LRBA: variants seen among roughly 807,000 people sequenced by gnomAD.
LRBA encodes lipopolysaccharide-responsive and beige-like anchor protein.
In LRBA, 176 loss-of-function variants were observed where a neutral mutation model predicts 330.0. The ratio of observed to expected loss-of-function variants is 0.53; its 90% CI spans 0.47 to 0.60. The LOEUF is 0.60. LRBA is among the 20% of genes least tolerant of loss of function. LRBA has a pLI of 0.00. For missense variants in LRBA, 3,259 were observed against 3,444.8 expected, an observed-to-expected ratio of 0.95 and a Z score of 1.35; for synonymous variants, 1,230 against 1,193.0, an observed-to-expected ratio of 1.03 and a Z score of -0.64.
At chr4:150,493,827 G>C (rs914500476) in intron 40 of LRBA, among the ~76,000 whole-genome samples, 2 of 152,086 alleles carry the variant, frequency 1.3e-5, no homozygotes, top group African/African-American at 4.8e-5. Flanking sequence ...CAAGAGCCAG[G>C]GCCAGTAGCT....
rs1758625730 is a variant in LRBA at position 150,489,639 on chromosome 4, A to ATT, written c.6448+1278_6448+1279insAA. Among the ~76,000 whole-genome samples, 2 of 109,016 alleles carry ATT rather than the reference A, an allele frequency of 1.8e-5. 1 individual carries two copies. Among genetic ancestry groups the ATT allele is most frequent in the East Asian group, 5.3e-4 (2 of 3,762 alleles). 71.5% of individuals were successfully genotyped at this position (109,016 alleles called of 152,430 possible). A position where few individuals can be genotyped will look rare whatever the true frequency, so the allele number is the denominator to read the frequency against. On this transcript the variant is annotated intron_variant, in intron 41 of 56. Coordinates refer to ENST00000651943, the MANE Select transcript of LRBA (RefSeq NM_001364905.1). ...TATATAAGAATATATAATATATAAG[A>ATT]ATATATAATATATAATATTATATAT... is the stretch of plus-strand genomic sequence containing the variant.
chr4:150,761,707 A>T (rs552484243), intron 35 of LRBA, 76 bp downstream of exon 35: 66 of 897,012 alleles, frequency 7.4e-5, no homozygotes, highest in Non-Finnish European at 1.2e-5. Context: ...TACAGAACCC[A>T]AAAATATCAA....
At chr4:150,441,503 T>A (rs1751838163) in intron 44 of LRBA, among the ~76,000 whole-genome samples, 1 of 152,088 alleles carries the variant, frequency 6.6e-6, no homozygotes, top group African/African-American at 2.4e-5. Flanking sequence ...ATAACAGACT[T>A]TGGTCTAATA....
intron 47 of LRBA, among the ~76,000 whole-genome samples, chr4:150,382,618 G>C (rs1378441213): frequency 7.4e-6 from 1 of 134,358 alleles, no homozygotes; most frequent in Non-Finnish European, 1.6e-5. Flanking sequence ...GTGAGACTCT[G>C]TTTCAAAAAA....
At chr4:150,428,483 T>G (rs1301789142) in intron 46 of LRBA, among the ~76,000 whole-genome samples, 2 of 152,102 alleles carry the variant, frequency 1.3e-5, no homozygotes, top group African/African-American at 4.8e-5. Flanking sequence ...TAGTCCCACT[T>G]CATATCAGGC....
At chr4:150,422,552 C>G in intron 46 of LRBA, 2 of 494,936 alleles carry the variant, frequency 4.0e-6, no homozygotes, top group Non-Finnish European at 7.4e-6. Context: ...ACACTATCCT[C>G]TGCACCCCGT....
At chr4:150,703,307 A>G (rs889963956) in intron 36 of LRBA, among the ~76,000 whole-genome samples, 13 of 152,242 alleles carry the variant, frequency 8.5e-5, no homozygotes, top group African/African-American at 3.1e-4. Context: ...GGTAATTTTT[A>G]ATGAAACATT....
chr4:150,847,584 A>T (rs1230430887), intron 26 of LRBA, among the ~76,000 whole-genome samples: 1 of 152,120 alleles, frequency 6.6e-6, no homozygotes, highest in Non-Finnish European at 1.5e-5. Context: ...TAGGTGCTTT[A>T]TCTCTTCATA....
chr4:150,420,261 T>C (rs1006506726), intron 46 of LRBA, among the ~76,000 whole-genome samples: 1 of 147,412 alleles, frequency 6.8e-6, no homozygotes, highest in African/African-American at 2.5e-5. Context: ...ATATTATACA[T>C]ATATGGTATA....
chr4:150,446,840 T>C (rs1213576967), intron 44 of LRBA, among the ~76,000 whole-genome samples: 1 of 152,232 alleles, frequency 6.6e-6, no homozygotes, highest in East Asian at 1.9e-4. Flanking sequence ...AGAGGGTATG[T>C]TGGGATAGTC....
At chr4:151,008,861 T>C (rs1744434171) in intron 2 of LRBA, among the ~76,000 whole-genome samples, 1 of 148,914 alleles carries the variant, frequency 6.7e-6, no homozygotes, top group Admixed American at 6.7e-5. Flanking sequence ...TAATACCAGT[T>C]ACTCAGGAGG....
At chr4:150,724,153 T>C (rs1729339509) in intron 36 of LRBA, among the ~76,000 whole-genome samples, 1 of 152,134 alleles carries the variant, frequency 6.6e-6, no homozygotes, top group Admixed American at 6.5e-5. Flanking sequence ...GGGAAGAAAC[T>C]GGGGCAAGAC....
At chr4:150,778,639 T>C (rs952714716) in intron 34 of LRBA, among the ~76,000 whole-genome samples, 2 of 152,174 alleles carry the variant, frequency 1.3e-5, no homozygotes, top group Non-Finnish European at 2.9e-5. Context: ...TACAGAAAGC[T>C]TAATTTCCAT....
rs538692302 is a variant in LRBA, at chr4:150,951,044, G to A, written c.217-21979C>T. On this transcript the variant is annotated intron_variant, in intron 2 of 56. Coordinates refer to ENST00000651943, the MANE Select transcript of LRBA (RefSeq NM_001364905.1). Reference sequence around the variant, plus strand: ...CCAGCAGATATGTTCCCTGCCATGTGGACAGAGGAGGCCTAGCTGCACCAT... The same window carrying A: ...CCAGCAGATATGTTCCCTGCCATGTAGACAGAGGAGGCCTAGCTGCACCAT... 3.6e-4 allele frequency among the ~76,000 whole-genome samples: 55 copies of A among 152,312 alleles called. No homozygotes were observed. In the South Asian group the frequency reaches 0.011, roughly 32 times the overall value.
chr4:150,897,577 C>T (rs190316107), intron 15 of LRBA, among the ~76,000 whole-genome samples, 162 bp downstream of exon 15: 1 of 152,032 alleles, frequency 6.6e-6, no homozygotes, highest in African/African-American at 2.4e-5. Context: ...TCCATATAGG[C>T]TCCAAAAAAG....
chr4:151,011,953 G>A (rs955653160), intron 2 of LRBA, among the ~76,000 whole-genome samples: 1 of 151,986 alleles, frequency 6.6e-6, no homozygotes, highest in African/African-American at 2.4e-5. Flanking sequence ...TTACAAGCAT[G>A]AGCCACTGTG....
chr4:150,305,332 A>T (rs916426277), intron 52 of LRBA, among the ~76,000 whole-genome samples: 10 of 152,236 alleles, frequency 6.6e-5, no homozygotes, highest in Admixed American at 2.0e-4. Context: ...CTGTTTCTCC[A>T]ATGTCAGTGT....
chr4:150,307,756 A>G (rs960881217), intron 52 of LRBA, among the ~76,000 whole-genome samples: 1 of 152,102 alleles, frequency 6.6e-6, no homozygotes, highest in African/African-American at 2.4e-5. Flanking sequence ...TCTTTAAAAT[A>G]GGCAGAAAAA....
chr4:150,772,336 G>A lies in LRBA; in HGVS notation c.5581-10489C>T, dbSNP rs535713956. Among the ~76,000 whole-genome samples the A allele has an allele frequency of 2.0e-5, 3 of 152,252 alleles. No homozygotes were observed. The East Asian group carries it at 5.8e-4, about 29-fold the overall frequency. ...TCACAGGACTCACCAAGAGACCATA[G>A]GTACGGGCTGGCAAAGAGAAGGTAG... is the stretch of plus-strand genomic sequence containing the variant. On this transcript the variant is annotated intron_variant, in intron 34 of 56. Transcript: ENST00000651943.
Sources: allele counts gnomAD v4.1 joint callset (sites outside exome capture counted in the v4.1 genomes callset), GRCh38; gene constraint gnomAD v4.1.1; transcripts MANE v1.5; gene names NCBI Gene and HGNC (gene_info 2026-07-23, HGNC 2026-07-21).